Variants in HMCN1 observed in about 807,000 individuals in gnomAD.
HMCN1 encodes the protein hemicentin 1, also known as hemicentin-1.
In HMCN1, 321 loss-of-function variants were observed where a neutral mutation model predicts 625.9. The observed-to-expected ratio is 0.51, with a 90% confidence interval of 0.47 to 0.56. The LOEUF (loss-of-function observed/expected upper bound fraction) is 0.56, where lower values mean the gene tolerates loss of function less well. Ranked by LOEUF, HMCN1 falls within the 20% of genes least tolerant of loss-of-function variation. The probability of loss-of-function intolerance (pLI) is 0.00; values close to 1 mark genes in which losing one functional copy is unlikely to be tolerated. For synonymous variants in HMCN1, 2,425 were observed against 2,417.6 expected, an observed-to-expected ratio of 1.00 and a Z score of -0.09; for missense variants, 6,588 against 6,887.3, an observed-to-expected ratio of 0.96 and a Z score of 1.54.
At chr1:186,028,891 A>AT (rs1298751334) in intron 36 of HMCN1, among the ~76,000 whole-genome samples, 1 of 151,322 alleles carries the variant, frequency 6.6e-6, no homozygotes, top group East Asian at 1.9e-4. Flanking sequence ...CTCCTGGCTA[A>AT]TTTTTTTGTC....
intron 36 of HMCN1, among the ~76,000 whole-genome samples, chr1:186,032,677 T>C (rs1373934938): frequency 6.6e-6 from 1 of 151,996 alleles, no homozygotes; most frequent in Non-Finnish European, 1.5e-5. Context: ...CCTTTATAAA[T>C]TACCCAGTCT....
chr1:186,010,953 AAT>A (rs1159077116), intron 30 of HMCN1, among the ~76,000 whole-genome samples: 1 of 152,186 alleles, frequency 6.6e-6, no homozygotes, highest in Non-Finnish European at 1.5e-5. Context: ...TAATGAGAAA[AAT>A]AGAGTTATTT....
intron 75 of HMCN1, among the ~76,000 whole-genome samples, 190 bp downstream of exon 75, chr1:186,115,604 T>A (rs932412986): frequency 7.2e-5 from 11 of 152,296 alleles, no homozygotes; most frequent in Non-Finnish European, 1.6e-4. Context: ...GGTCATCTTT[T>A]CCATACATAA....
chr1:185,894,392 A>G (rs1356299375), intron 4 of HMCN1, among the ~76,000 whole-genome samples: 1 of 152,098 alleles, frequency 6.6e-6, no homozygotes, highest in Admixed American at 6.5e-5. Flanking sequence ...TCTCCATTCC[A>G]CTGTTGATAT....
intron 55 of HMCN1, among the ~76,000 whole-genome samples, chr1:186,079,878 C>T (rs898288022): frequency 1.3e-5 from 2 of 152,140 alleles, no homozygotes; most frequent in Non-Finnish European, 2.9e-5. Context: ...GTCTGCTGCT[C>T]ACCTCCCAGG....
intron 11 of HMCN1, among the ~76,000 whole-genome samples, chr1:185,934,257 C>CATT (rs1667703293): frequency 6.6e-6 from 1 of 152,094 alleles, no homozygotes; most frequent in African/African-American, 2.4e-5. Context: ...TAATCTCTCA[C>CATT]TAATGCCTTT....
intron 16 of HMCN1, among the ~76,000 whole-genome samples, chr1:185,979,539 G>A (rs540237537): frequency 6.6e-6 from 1 of 152,252 alleles, no homozygotes; most frequent in South Asian, 2.1e-4. Context: ...TTAGAAACTT[G>A]GTTCTCATGG....
chr1:185,747,416 T>G (rs1050123044), intron 1 of HMCN1, among the ~76,000 whole-genome samples: 2 of 151,964 alleles, frequency 1.3e-5, no homozygotes, highest in Non-Finnish European at 2.9e-5. Flanking sequence ...CCTCCTTGGT[T>G]CAAGCAATTC....
intron 71 of HMCN1, 125 bp from the exon 72 acceptor site, chr1:186,112,687 C>A: frequency 8.7e-7 from 1 of 1,147,300 alleles, no homozygotes; most frequent in Non-Finnish European, 1.3e-6. Flanking sequence ...GGTGGAGGAG[C>A]AGACAAAGCA....
rs1650828086 is a variant in HMCN1, at chr1:186,153,908, TC to T, written c.15178del (p.His5060MetfsTer12). 1 of 1,614,044 alleles carries T rather than the reference TC, an allele frequency of 6.2e-7. No individual in the cohort carries two copies. Among genetic ancestry groups the T allele is most frequent in the Non-Finnish European group, 8.5e-7 (1 of 1,180,020 alleles). On this transcript the variant is annotated frameshift_variant, in exon 97 of 107. Transcript: ENST00000271588. LOFTEE classifies it high-confidence loss of function. ...GRMPFLVETL[H>X]ASSVESDYNQ... Reference sequence around the variant, plus strand: ...GAATGCCTTTCTTGGTTGAAACACTTCATGCATCCTCTGTGGAATCTGACTA... The same window carrying T: ...GAATGCCTTTCTTGGTTGAAACACTTATGCATCCTCTGTGGAATCTGACTA...
In HMCN1 at chr1:186,178,517, G is replaced by A; in HGVS notation, c.16045G>A (p.Gly5349Arg). 6.2e-7 allele frequency: 1 copy of A among 1,614,076 alleles called. No individual in the cohort carries two copies. The highest frequency in any genetic ancestry group is 8.5e-7 in the Non-Finnish European group (1 of 1,179,964). The change falls in exon 104 of 107, where the codon GGG becomes AGG. Residue 5349 changes from glycine to arginine, a missense_variant. Transcript: ENST00000271588. ...CTGTCCACCAGGACAACATTTATTAGGGGACGGGAAATCTTGCGCTGGATT... is the reference window on the plus strand; with the variant it reads ...CTGTCCACCAGGACAACATTTATTAAGGGACGGGAAATCTTGCGCTGGATT... ...CICPPGQHLL[G>R]DGKSCAGLER...
intron 9 of HMCN1, among the ~76,000 whole-genome samples, chr1:185,927,333 T>C (rs545127364): frequency 2.0e-5 from 3 of 152,210 alleles, no homozygotes; most frequent in Non-Finnish European, 2.9e-5. Flanking sequence ...ACAGCTTACA[T>C]GATCAGTGTG....
At position 186,034,708 on chromosome 1, in the gene HMCN1, A is replaced by T. The variant is rs183421186; in HGVS notation, c.5750-3226A>T. ...GAGGGTGACAGGGCTAGGTCAGTTA[A>T]AATGCCTCAAAACTCACTGTTCTTA... On this transcript the variant is annotated intron_variant, in intron 36 of 106. Coordinates refer to ENST00000271588, the MANE Select transcript of HMCN1 (RefSeq NM_031935.3). Among the ~76,000 whole-genome samples, 224 of 152,272 alleles carry T rather than the reference A, an allele frequency of 1.5e-3. 3 individuals are homozygous for T. Among genetic ancestry groups the T allele is most frequent in the Non-Finnish European group, 3.7e-4 (25 of 68,024 alleles).
At position 186,087,980 on chromosome 1, in the gene HMCN1, C is replaced by G. The variant is rs187753126; in HGVS notation, c.9412C>G (p.Arg3138Gly). The change falls in exon 61 of 107, where the codon CGG (arginine) becomes GGG (glycine). Residue 3138 changes from arginine to glycine, a missense_variant. Around this residue, in one of 3 missense-constraint regions of HMCN1, gnomAD observed 4,628 missense variants for 4,853.1 expected, o/e 0.95. Transcript: ENST00000271588. ...ATGTAGAGCTATAAATGTAGCAGGACGGGATGATAAAAATTTCCACCTCAA... is the reference window on the plus strand; with the variant it reads ...ATGTAGAGCTATAAATGTAGCAGGAGGGGATGATAAAAATTTCCACCTCAA... ...YVCRAINVAG[R>G]DDKNFHLNVY... 1 of 1,613,028 alleles carries G rather than the reference C, an allele frequency of 6.2e-7. No individual in the cohort carries two copies. The highest frequency in any genetic ancestry group is 2.2e-5 in the East Asian group (1 of 44,824).
chr1:186,100,822 T>G (rs924985603), intron 68 of HMCN1, among the ~76,000 whole-genome samples: 2 of 152,186 alleles, frequency 1.3e-5, no homozygotes, highest in African/African-American at 2.4e-5. Flanking sequence ...TTCAGTTCTT[T>G]TGAACCTTTA....
rs1661477418 is a variant in HMCN1, at chr1:186,123,130, T to A, written c.12409T>A (p.Phe4137Ile). Residue 4137 changes from phenylalanine (F) to isoleucine (I), a missense_variant, in exon 81 of 107, where the codon TTT becomes ATT. Transcript: ENST00000271588. The stretch of plus-strand genomic sequence containing the variant: ...CAGCTCTGGCTCTCTGCAAATAGCA[T>A]TTGTCCAGCCTGGTGATGCTGGCCA... The part of the protein sequence containing the change: ...VLSSGSLQIA[F>I]VQPGDAGHYT... The A allele has an allele frequency of 6.2e-7, 1 of 1,613,952 alleles. No individual in the cohort carries two copies. The highest frequency in any genetic ancestry group is 8.5e-7 in the Non-Finnish European group (1 of 1,179,976).
At position 185,899,158 on chromosome 1, in the gene HMCN1, G is replaced by C. The variant is rs143912374; in HGVS notation, c.622-10179G>C. Among the ~76,000 whole-genome samples the C allele has an allele frequency of 2.0e-3, 297 of 152,230 alleles. 1 individual carries two copies. In the Middle Eastern group the frequency reaches 0.027, roughly 14 times the overall value. On this transcript the variant is annotated intron_variant, in intron 4 of 106. Transcript: ENST00000271588. ...ATTATCTCCCTCAACTTCTCCTCTAGTACATGTTCCTTAGTGTCCAGTGAC... is the reference window on the plus strand; with the variant it reads ...ATTATCTCCCTCAACTTCTCCTCTACTACATGTTCCTTAGTGTCCAGTGAC...
rs765532544 is a variant in HMCN1 at position 186,078,257 on chromosome 1, T to C, written c.8599+37T>C. ...TTTTGTTTATTGTTCATTCTTTTACTGAAAAGTATTTTTGAGGAACTAATG... is the reference window on the plus strand; with the variant it reads ...TTTTGTTTATTGTTCATTCTTTTACCGAAAAGTATTTTTGAGGAACTAATG... On this transcript the variant is annotated intron_variant, in intron 55 of 106. Transcript: ENST00000271588. 5 of 1,447,566 alleles carry C rather than the reference T, an allele frequency of 3.5e-6. No homozygotes were observed. In the South Asian group the frequency reaches 5.8e-5, roughly 17 times the overall value. 89.7% of individuals were successfully genotyped at this position (1,447,566 alleles called of 1,614,324 possible).
chr1:186,070,679 A>C lies in HMCN1; in HGVS notation c.8061A>C (p.Lys2687Asn). The C allele has an allele frequency of 9.3e-6, 15 of 1,613,848 alleles. No homozygotes were observed. Among genetic ancestry groups the C allele is most frequent in the Non-Finnish European group, 1.3e-5 (15 of 1,179,762 alleles). ...TTTCCCCTAAAGAAGTGAAGATCAA[A>C]GTAAACAACACTCTGACCTTGGAAT... Reference protein sequence around the residue: ...PGLSPKEVKIKVNNTLTLECE... With the variant: ...PGLSPKEVKINVNNTLTLECE... The change falls in exon 52 of 107, where the codon AAA (lysine) becomes AAC (asparagine). Residue 2687 changes from lysine (K) to asparagine (N), a missense_variant. By Grantham distance (94) the Lys-to-Asn change is moderately conservative. Around this residue, in one of 3 missense-constraint regions of HMCN1, gnomAD observed 4,628 missense variants for 4,853.1 expected, o/e 0.95. Coordinates refer to ENST00000271588, the MANE Select transcript of HMCN1 (RefSeq NM_031935.3).
Sources: allele counts gnomAD v4.1 joint callset (sites outside exome capture counted in the v4.1 genomes callset), GRCh38; gene constraint gnomAD v4.1.1; regional missense constraint gnomAD v4.1.1; transcripts MANE v1.5; gene names NCBI Gene and HGNC (gene_info 2026-07-23, HGNC 2026-07-21).